KCNAB1: variants seen among roughly 807,000 people sequenced by gnomAD.
KCNAB1 encodes the protein potassium voltage-gated channel subfamily A regulatory beta subunit 1.
In KCNAB1, 35 loss-of-function variants were observed where a neutral mutation model predicts 64.6. The observed-to-expected ratio is 0.54, with a 90% confidence interval of 0.41 to 0.72. The LOEUF is 0.72. Ranked by LOEUF, KCNAB1 falls within the 30% of genes least tolerant of loss-of-function variation. KCNAB1 has a pLI of 0.00. For synonymous variants in KCNAB1, 177 were observed against 183.8 expected, an observed-to-expected ratio of 0.96 and a Z score of 0.30; for missense variants, 401 against 512.9, an observed-to-expected ratio of 0.78 and a Z score of 2.11.
At chr3:156,125,047 A>G (rs1713569646) in intron 1 of KCNAB1, among the ~76,000 whole-genome samples, 1 of 152,102 alleles carries the variant, frequency 6.6e-6, no homozygotes, top group African/African-American at 2.4e-5. Flanking sequence ...CTGAGGCAGA[A>G]GAATTGCTTG....
At chr3:156,279,890 G>A (rs2108502141) in intron 1 of KCNAB1, among the ~76,000 whole-genome samples, 1 of 149,068 alleles carries the variant, frequency 6.7e-6, no homozygotes, top group East Asian at 2.0e-4. Context: ...TGAGTAGGTT[G>A]CGAAAATTTT....
chr3:156,252,464 A>G lies in KCNAB1; in HGVS notation c.275+131578A>G, dbSNP rs200443693. On this transcript the variant is annotated intron_variant, in intron 1 of 13. Coordinates refer to ENST00000490337, the MANE Select transcript of KCNAB1 (RefSeq NM_172160.3). ...GAATCTACAGGAGAAAGGCACAGCT[A>G]ATGGATTTGTTTTTGACAGCACTCT... Among the ~76,000 whole-genome samples, 15 of 152,274 alleles carry G rather than the reference A, an allele frequency of 9.9e-5. No individual in the cohort carries two copies. In the East Asian group the frequency reaches 2.3e-3, roughly 23 times the overall value.
rs186186087 is a variant in KCNAB1, at chr3:156,398,857, A to G, written c.276-22759A>G. Among the ~76,000 whole-genome samples the G allele has an allele frequency of 2.3e-3, 352 of 152,222 alleles. 3 individuals carry two copies. Among genetic ancestry groups the G allele is most frequent in the African/African-American group, 8.1e-3 (338 of 41,524 alleles). On this transcript the variant is annotated intron_variant, in intron 1 of 13. Coordinates refer to ENST00000490337, the MANE Select transcript of KCNAB1 (RefSeq NM_172160.3). ...GTGGGTTGTCTCCTGGAGCATATCCATCCTATTTTGGAGATGGTTGTCCCC... is the reference window on the plus strand; with the variant it reads ...GTGGGTTGTCTCCTGGAGCATATCCGTCCTATTTTGGAGATGGTTGTCCCC...
chr3:156,347,104 G>A (rs945543119), intron 1 of KCNAB1, among the ~76,000 whole-genome samples: 16 of 152,120 alleles, frequency 1.1e-4, no homozygotes, highest in African/African-American at 3.1e-4. Flanking sequence ...AATTTATTAC[G>A]CTTAAGGTTA....
At chr3:156,524,544 G>A (rs887006913) in intron 12 of KCNAB1, among the ~76,000 whole-genome samples, 2 of 151,922 alleles carry the variant, frequency 1.3e-5, no homozygotes, top group Admixed American at 6.5e-5. Flanking sequence ...TCAGGAGATC[G>A]AGACCATCCT....
intron 1 of KCNAB1, among the ~76,000 whole-genome samples, chr3:156,208,234 G>A (rs1714785589): frequency 6.6e-6 from 1 of 152,104 alleles, no homozygotes; most frequent in African/African-American, 2.4e-5. Flanking sequence ...CCTGAAGGTT[G>A]CCGCTGCTCC....
At chr3:156,364,874 A>G (rs992979988) in intron 1 of KCNAB1, among the ~76,000 whole-genome samples, 1 of 152,164 alleles carries the variant, frequency 6.6e-6, no homozygotes, top group Non-Finnish European at 1.5e-5. Flanking sequence ...TCAAAAATCA[A>G]TCTCATTAAA....
intron 1 of KCNAB1, among the ~76,000 whole-genome samples, chr3:156,182,706 T>A (rs1018953405): frequency 2.7e-5 from 4 of 150,558 alleles, no homozygotes; most frequent in Middle Eastern, 3.4e-3. Flanking sequence ...TTTTTTTTTT[T>A]TTTTTTTATT....
intron 1 of KCNAB1, among the ~76,000 whole-genome samples, chr3:156,374,012 C>G (rs993848763): frequency 6.6e-6 from 1 of 152,218 alleles, no homozygotes; most frequent in Admixed American, 6.5e-5. Context: ...ATTCTTAGCT[C>G]TGTCTTCACT....
At chr3:156,342,610 T>TTTTTTTTTTTTTTTTTTTTTTCA (rs1724214562) in intron 1 of KCNAB1, among the ~76,000 whole-genome samples, 1 of 68,284 alleles carries the variant, frequency 1.5e-5, no homozygotes, top group African/African-American at 1.1e-4. Context: ...TTTTTTTTAA[T>TTTTTTTTTTTTTTTTTTTTTTCA]TTTTTTTTTT....
At chr3:156,404,349 A>C (rs1449092308) in intron 1 of KCNAB1, among the ~76,000 whole-genome samples, 1 of 152,072 alleles carries the variant, frequency 6.6e-6, no homozygotes, top group East Asian at 1.9e-4. Context: ...AGTTCTTAAC[A>C]GTGTGAATAA....
At position 156,281,258 on chromosome 3, in the gene KCNAB1, G is replaced by C. The variant is rs1298138931; in HGVS notation, c.276-140358G>C. Among the ~76,000 whole-genome samples, 14 of 151,222 alleles carry C rather than the reference G, an allele frequency of 9.3e-5. No homozygotes were observed. In the East Asian group the frequency reaches 2.5e-3, roughly 28 times the overall value. On this transcript the variant is annotated intron_variant, in intron 1 of 13. Transcript: ENST00000490337. ...TTGTCTTTGGCTCTGTTTATATGCTGGATTACATTTATTGATTTGCGTACA... is the reference window on the plus strand; with the variant it reads ...TTGTCTTTGGCTCTGTTTATATGCTCGATTACATTTATTGATTTGCGTACA...
intron 1 of KCNAB1, among the ~76,000 whole-genome samples, chr3:156,385,752 T>C (rs1035955363): frequency 6.6e-6 from 1 of 152,254 alleles, no homozygotes; most frequent in African/African-American, 2.4e-5. Flanking sequence ...AGAAGTTTAT[T>C]CATTCTCATA....
At chr3:156,296,599 G>A (rs566221238) in intron 1 of KCNAB1, among the ~76,000 whole-genome samples, 80 of 149,636 alleles carry the variant, frequency 5.3e-4, no homozygotes, top group African/African-American at 1.9e-3. Context: ...TCAGCCTCCC[G>A]AGTAGCTGGG....
chr3:156,329,318 G>A (rs1448999519), intron 1 of KCNAB1, among the ~76,000 whole-genome samples: 3 of 152,146 alleles, frequency 2.0e-5, no homozygotes, highest in African/African-American at 7.2e-5. Context: ...ATGGGATGGA[G>A]AAGTAGGAAA....
At chr3:156,164,607 A>G (rs1432141774) in intron 1 of KCNAB1, among the ~76,000 whole-genome samples, 3 of 152,216 alleles carry the variant, frequency 2.0e-5, no homozygotes, top group Admixed American at 1.3e-4. Flanking sequence ...TGAAGGAATT[A>G]TGATGTTTGT....
chr3:156,121,815 G>A (rs1450301120), intron 1 of KCNAB1, among the ~76,000 whole-genome samples: 6 of 152,184 alleles, frequency 3.9e-5, no homozygotes, highest in Non-Finnish European at 7.3e-5. Context: ...ATTCTGCAAT[G>A]CAGCCTGTAT....
chr3:156,203,482 T>C (rs1714471628), intron 1 of KCNAB1, among the ~76,000 whole-genome samples: 1 of 152,198 alleles, frequency 6.6e-6, no homozygotes. Context: ...AACCTTCCTA[T>C]GGACCGTTTT....
chr3:156,257,744 T>C (rs1718180898), intron 1 of KCNAB1, among the ~76,000 whole-genome samples: 3 of 152,080 alleles, frequency 2.0e-5, no homozygotes, highest in African/African-American at 7.2e-5. Flanking sequence ...AGAGTCATAG[T>C]TTACTGGGGG....
Sources: gnomAD v4.1 joint callset for allele counts (sites outside exome capture counted in the v4.1 genomes callset) on GRCh38, gnomAD v4.1.1 for gene constraint, MANE v1.5 for transcripts, NCBI Gene and HGNC (gene_info 2026-07-23, HGNC 2026-07-21) for gene names.